Variants in PCNX1 observed in about 807,000 individuals in gnomAD.
PCNX1 encodes the protein pecanex-like protein 1.
A neutral mutation model predicts 242.2 loss-of-function variants in PCNX1; 78 were observed. The observed-to-expected ratio is 0.32, with a 90% CI of 0.27 to 0.39. PCNX1 has a LOEUF of 0.39. Among genes scored for constraint, PCNX1 ranks in the 10% least tolerant of loss-of-function variants. PCNX1 has a pLI of 1.00. For missense variants in PCNX1, 2,581 were observed against 2,856.5 expected (o/e 0.90, Z 2.20); for synonymous variants, 1,024 against 1,032.9 (o/e 0.99, Z 0.17).
Position 70,957,764 on chromosome 14 carries a change from C to T in PCNX1, c.363-4462C>T, listed in dbSNP as rs1482496322. On this transcript the variant is annotated intron_variant, in intron 2 of 35. Transcript: ENST00000304743. ...ATACAGCTTAAAAGGGTGAACTGTA[C>T]GATATGTGAATCATATTTCAATAAA... is the stretch of plus-strand genomic sequence containing the variant. Among the ~76,000 whole-genome samples the T allele has an allele frequency of 4.6e-5, 7 of 151,636 alleles. No homozygotes were observed. In the South Asian group the frequency reaches 6.2e-4, roughly 14 times the overall value.
At chr14:70,965,282 T>C (rs2058342664) in intron 3 of PCNX1, 3 of 152,152 alleles carry the variant, frequency 2.0e-5, no homozygotes, top group Admixed American at 6.6e-5. Flanking sequence ...TTCTACTTAG[T>C]GTGGGTTGGG....
intron 24 of PCNX1, 21 bp downstream of exon 24, chr14:71,052,033 G>T: frequency 6.3e-7 from 1 of 1,579,074 alleles, no homozygotes; most frequent in South Asian, 1.2e-5. Context: ...TAAAACACTT[G>T]AAAAACAATT....
chr14:70,939,287 C>G (rs1460497774), intron 1 of PCNX1, among the ~76,000 whole-genome samples: 1 of 152,230 alleles, frequency 6.6e-6, no homozygotes, highest in African/African-American at 2.4e-5. Flanking sequence ...AAATTTCCCT[C>G]TACACACTGC....
chr14:71,008,317 A>G (rs2059722356), intron 8 of PCNX1, among the ~76,000 whole-genome samples: 1 of 152,088 alleles, frequency 6.6e-6, no homozygotes, highest in Non-Finnish European at 1.5e-5. Flanking sequence ...TAGGCATGGG[A>G]AAATCTGACT....
intron 28 of PCNX1, among the ~76,000 whole-genome samples, chr14:71,088,091 GT>G (rs574384286): frequency 1.3e-5 from 2 of 151,628 alleles, no homozygotes; most frequent in African/African-American, 4.8e-5. Flanking sequence ...AATAGAGTCA[GT>G]TTTTTTTGTT....
At chr14:71,096,769 A>G (rs1470456635) in intron 30 of PCNX1, among the ~76,000 whole-genome samples, 5 of 152,214 alleles carry the variant, frequency 3.3e-5, no homozygotes, top group Non-Finnish European at 5.9e-5. Flanking sequence ...GTTAGAGTCC[A>G]AGATTCTTGT....
chr14:71,036,181 ATTTG>A (rs1420350263), intron 19 of PCNX1, 24 bp downstream of exon 19: 29 of 1,447,238 alleles, frequency 2.0e-5, no homozygotes, highest in South Asian at 6.8e-5. Flanking sequence ...TTCTCCTTTT[ATTTG>A]TTTGTTTGTT....
chr14:71,073,451 A>G, intron 26 of PCNX1, 94 bp from the exon 27 acceptor site: 1 of 1,197,036 alleles, frequency 8.4e-7, no homozygotes, highest in Non-Finnish European at 1.2e-6. Context: ...TTGCAATAAA[A>G]TATGTATTTT....
At chr14:71,001,898 G>A (rs139234437) in intron 8 of PCNX1, among the ~76,000 whole-genome samples, 248 of 152,310 alleles carry the variant, frequency 1.6e-3, no homozygotes, top group African/African-American at 5.7e-3. Flanking sequence ...TGCTGTAGTC[G>A]TTGACATTTT....
intron 30 of PCNX1, among the ~76,000 whole-genome samples, chr14:71,091,535 A>G (rs1167012519): frequency 1.3e-5 from 2 of 152,246 alleles, no homozygotes; most frequent in Non-Finnish European, 2.9e-5. Flanking sequence ...CAACAATTTG[A>G]AAAAGATGAA....
rs376719811 is a variant in PCNX1, at chr14:71,045,032, C to A, written c.3868-101C>A. 6.8e-5 allele frequency: 51 copies of A among 746,392 alleles called. No homozygotes were observed. In the Middle Eastern group the frequency reaches 2.3e-3, roughly 33 times the overall value. The allele number at this position is 746,392 out of a possible 1,614,324, so 46.2% of individuals were successfully genotyped here. A position where few individuals can be genotyped will look rare whatever the true frequency, so the allele number is the denominator to read the frequency against. On this transcript the variant is annotated intron_variant, in intron 19 of 35. Coordinates refer to ENST00000304743, the MANE Select transcript of PCNX1 (RefSeq NM_014982.3). ...TTTAGTTCTTATATTCTAAAATGGA[C>A]GTTGTCCATTATCAGATGGAAAATT...
chr14:70,969,009 T>C lies in PCNX1; in HGVS notation c.515-12T>C, dbSNP rs1450603909. On this transcript the variant is annotated splice_polypyrimidine_tract_variant and intron_variant, in intron 4 of 35. Coordinates refer to ENST00000304743, the MANE Select transcript of PCNX1 (RefSeq NM_014982.3). ...AATATAAGGTCCTCACATGTTTCTCTTAACTTTGTAGGAGATACAGACACT... is the reference window on the plus strand; with the variant it reads ...AATATAAGGTCCTCACATGTTTCTCCTAACTTTGTAGGAGATACAGACACT... 2.0e-6 allele frequency: 3 copies of C among 1,538,312 alleles called. No homozygotes were observed. Among genetic ancestry groups the C allele is most frequent in the South Asian group, 1.1e-5 (1 of 89,516 alleles).
In PCNX1 at chr14:71,035,207, G is replaced by A. The variant is rs146178774; in HGVS notation, c.3775-858G>A. 7.4e-3 allele frequency among the ~76,000 whole-genome samples: 1,120 copies of A among 152,180 alleles called. 12 individuals are homozygous for A. Among genetic ancestry groups the A allele is most frequent in the African/African-American group, 0.025 (1,048 of 41,500 alleles). On this transcript the variant is annotated intron_variant, in intron 18 of 35. Transcript: ENST00000304743. ...ACTGCACTCCAGCCTGGGCAACATA[G>A]TGAGACCCTGTCTCAAAAACAAACA...
intron 2 of PCNX1, among the ~76,000 whole-genome samples, chr14:70,958,759 A>C (rs986311969): frequency 1.3e-5 from 2 of 152,052 alleles, no homozygotes; most frequent in African/African-American, 4.8e-5. Context: ...TTCTAGAGCT[A>C]ATCTCAATGA....
At chr14:71,023,703 G>A (rs1382787124) in intron 13 of PCNX1, among the ~76,000 whole-genome samples, 2 of 152,164 alleles carry the variant, frequency 1.3e-5, no homozygotes, top group East Asian at 1.9e-4. Context: ...TATTCACTTC[G>A]TGACTTTAGA....
chr14:70,965,886 G>A (rs926737108), intron 3 of PCNX1, among the ~76,000 whole-genome samples: 1 of 152,040 alleles, frequency 6.6e-6, no homozygotes, highest in African/African-American at 2.4e-5. Flanking sequence ...AGAAGAAACA[G>A]TGGAATATTT....
chr14:70,908,063 G>C, intron 1 of PCNX1, 60 bp downstream of exon 1: 4 of 1,479,210 alleles, frequency 2.7e-6, no homozygotes, highest in Non-Finnish European at 2.7e-6. Flanking sequence ...GGAGATGCTG[G>C]GGTCGCGCCC....
chr14:70,967,655 T>C (rs907493249), intron 3 of PCNX1, among the ~76,000 whole-genome samples: 2 of 152,224 alleles, frequency 1.3e-5, no homozygotes, highest in Non-Finnish European at 2.9e-5. Context: ...TATTGATTTA[T>C]TTTTTAATGT....
At chr14:70,937,215 A>G (rs966837662) in intron 1 of PCNX1, among the ~76,000 whole-genome samples, 4 of 152,156 alleles carry the variant, frequency 2.6e-5, no homozygotes, top group Non-Finnish European at 5.9e-5. Flanking sequence ...ACCCATGCCT[A>G]TGTTCTGAAT....
Sources: allele counts gnomAD v4.1 joint callset (sites outside exome capture counted in the v4.1 genomes callset), GRCh38; gene constraint gnomAD v4.1.1; transcripts MANE v1.5; gene names NCBI Gene and HGNC (gene_info 2026-07-23, HGNC 2026-07-21).